NLGN1: variants seen among roughly 807,000 people sequenced by gnomAD.
NLGN1 encodes the protein neuroligin 1.
Under a neutral mutation model 65.5 loss-of-function variants are expected in NLGN1, and 12 were observed. That is an observed-to-expected ratio of 0.18 (90% CI 0.12 to 0.30). The LOEUF is 0.30. Ranked by LOEUF, NLGN1 falls within the 10% of genes least tolerant of loss-of-function variation. The pLI is 1.00. For synonymous variants in NLGN1, 350 were observed against 359.5 expected (o/e 0.97, Z 0.30); for missense variants, 750 against 1,007.1 (o/e 0.74, Z 3.46).
intron 3 of NLGN1, among the ~76,000 whole-genome samples, chr3:173,655,847 G>T (rs1195011634): frequency 1.3e-5 from 2 of 152,040 alleles, no homozygotes; most frequent in Non-Finnish European, 2.9e-5. Flanking sequence ...AGTGGATGGT[G>T]TCCAGGTTCT....
At chr3:173,976,779 A>C (rs1240968630) in intron 4 of NLGN1, among the ~76,000 whole-genome samples, 22 of 152,014 alleles carry the variant, frequency 1.4e-4, no homozygotes, top group Admixed American at 1.4e-3. Context: ...TTCCTCATGC[A>C]CACATTGGCA....
rs535306020 is a variant in NLGN1 at position 174,011,237 on chromosome 3, A to G, written c.646+203405A>G. On this transcript the variant is annotated intron_variant, in intron 4 of 6. Coordinates refer to ENST00000457714, the Ensembl canonical transcript of NLGN1. Reference sequence around the variant, plus strand: ...TTTTCAGTATTAATCTATGTCCCACACAATTACTGCCCTGACATTTATTGG... The same window carrying G: ...TTTTCAGTATTAATCTATGTCCCACGCAATTACTGCCCTGACATTTATTGG... Among the ~76,000 whole-genome samples, 32 of 152,288 alleles carry G rather than the reference A, an allele frequency of 2.1e-4. No homozygotes were observed. In the South Asian group the frequency reaches 6.4e-3, roughly 31 times the overall value.
At chr3:173,532,540 T>G (rs1736752939) in intron 2 of NLGN1, among the ~76,000 whole-genome samples, 1 of 152,222 alleles carries the variant, frequency 6.6e-6, no homozygotes, top group Non-Finnish European at 1.5e-5. Context: ...TGTATATGTG[T>G]GTTTCTTGAA....
chr3:174,086,199 G>A (rs1390867246), intron 4 of NLGN1, among the ~76,000 whole-genome samples: 1 of 131,644 alleles, frequency 7.6e-6, no homozygotes, highest in South Asian at 2.4e-4. Flanking sequence ...GTGTGTGTGT[G>A]TGTGTGCGTG....
intron 4 of NLGN1, among the ~76,000 whole-genome samples, chr3:174,269,924 G>C (rs1018440132): frequency 3.3e-5 from 5 of 151,796 alleles, no homozygotes; most frequent in African/African-American, 1.2e-4. Context: ...GATTAGTGAT[G>C]TTGAATATCT....
chr3:173,428,139 G>T (rs1029237606), intron 1 of NLGN1, among the ~76,000 whole-genome samples: 1 of 151,334 alleles, frequency 6.6e-6, no homozygotes, highest in Non-Finnish European at 1.5e-5. Flanking sequence ...GCTTTTTTAT[G>T]GTTTCCATTT....
intron 3 of NLGN1, among the ~76,000 whole-genome samples, chr3:173,680,262 T>A (rs912874817): frequency 2.0e-5 from 3 of 152,168 alleles, no homozygotes; most frequent in Non-Finnish European, 4.4e-5. Flanking sequence ...GTTAATATAC[T>A]GCAGCCTTAT....
chr3:173,705,985 A>G (rs1179110587), intron 3 of NLGN1, among the ~76,000 whole-genome samples: 2 of 152,146 alleles, frequency 1.3e-5, no homozygotes, highest in Non-Finnish European at 2.9e-5. Flanking sequence ...GGGGTTTGGG[A>G]AGAATTGTGT....
chr3:173,970,240 G>A (rs1287739164), intron 4 of NLGN1, among the ~76,000 whole-genome samples: 1 of 152,150 alleles, frequency 6.6e-6, no homozygotes, highest in Non-Finnish European at 1.5e-5. Flanking sequence ...TTGTTTAGTG[G>A]AGGGTGAAAC....
chr3:173,717,224 T>C (rs1298706390), intron 3 of NLGN1, among the ~76,000 whole-genome samples: 6 of 152,210 alleles, frequency 3.9e-5, no homozygotes, highest in Non-Finnish European at 8.8e-5. Context: ...AAAGTTGATG[T>C]GATCTGTTCT....
At chr3:173,928,923 G>A (rs1743529159) in intron 4 of NLGN1, among the ~76,000 whole-genome samples, 1 of 151,898 alleles carries the variant, frequency 6.6e-6, no homozygotes, top group South Asian at 2.1e-4. Flanking sequence ...CACCTGCCTA[G>A]GCCTTCCAAA....
At chr3:174,152,578 T>C (rs1458169700) in intron 4 of NLGN1, among the ~76,000 whole-genome samples, 3 of 152,074 alleles carry the variant, frequency 2.0e-5, no homozygotes, top group Middle Eastern at 6.9e-3. Flanking sequence ...CACACCAACA[T>C]GGCACATGTA....
At chr3:173,517,786 C>CTATT (rs754974366) in intron 2 of NLGN1, among the ~76,000 whole-genome samples, 2 of 151,410 alleles carry the variant, frequency 1.3e-5, no homozygotes, top group African/African-American at 4.9e-5. Flanking sequence ...ATCTATCTAT[C>CTATT]TATCTATCTA....
intron 2 of NLGN1, among the ~76,000 whole-genome samples, chr3:173,473,817 C>A (rs1395728235): frequency 6.6e-6 from 1 of 152,146 alleles, no homozygotes; most frequent in African/African-American, 2.4e-5. Flanking sequence ...GGAGGACAAG[C>A]CTTCTGTGTG....
At chr3:173,784,069 A>C (rs1246678278) in intron 3 of NLGN1, among the ~76,000 whole-genome samples, 1 of 152,204 alleles carries the variant, frequency 6.6e-6, no homozygotes, top group Non-Finnish European at 1.5e-5. Context: ...CACTGATAGG[A>C]GTCATAAAAT....
Position 173,453,403 on chromosome 3 carries a change from G to A in NLGN1, c.-321+18325G>A, listed in dbSNP as rs566407114. On this transcript the variant is annotated intron_variant, in intron 2 of 6. Coordinates refer to ENST00000457714, the Ensembl canonical transcript of NLGN1. ...GGTAGTTTTTTTTTTTTTAAATAAA[G>A]CAACAATGAAGTTGGTCACATTGAT... is the stretch of plus-strand genomic sequence containing the variant. 4.0e-4 allele frequency among the ~76,000 whole-genome samples: 61 copies of A among 151,486 alleles called. No homozygotes were observed. In the South Asian group the frequency reaches 0.012, roughly 31 times the overall value.
rs113017364 is a variant in NLGN1 at position 174,003,706 on chromosome 3, T to C, written c.646+195874T>C. On this transcript the variant is annotated intron_variant, in intron 4 of 6. Coordinates refer to ENST00000457714, the Ensembl canonical transcript of NLGN1. ...TTTATTTTAAAGAAAGATGGAAAAT[T>C]AGACTCTTGAGGAAAGGACCTTTAT... Among the ~76,000 whole-genome samples, 341 of 152,266 alleles carry C rather than the reference T, an allele frequency of 2.2e-3. 2 individuals carry two copies. Among genetic ancestry groups the C allele is most frequent in the African/African-American group, 7.9e-3 (329 of 41,574 alleles).
At chr3:173,957,014 G>T (rs1712235473) in intron 4 of NLGN1, among the ~76,000 whole-genome samples, 1 of 151,862 alleles carries the variant, frequency 6.6e-6, no homozygotes, top group African/African-American at 2.4e-5. Flanking sequence ...GGTGATTTTA[G>T]GCATGTATGA....
intron 4 of NLGN1, among the ~76,000 whole-genome samples, chr3:174,185,861 A>G (rs1195420521): frequency 6.6e-6 from 1 of 151,924 alleles, no homozygotes; most frequent in Admixed American, 6.6e-5. Context: ...TATCTTCTTT[A>G]TATGTTTATG....
Sources: gnomAD v4.1 joint callset for allele counts (sites outside exome capture counted in the v4.1 genomes callset) on GRCh38, gnomAD v4.1.1 for gene constraint, MANE v1.5 for transcripts, NCBI Gene and HGNC (gene_info 2026-07-23, HGNC 2026-07-21) for gene names.